The following PHACTR1 variants were observed in gnomAD, a reference collection of about 807,000 sequenced individuals.
PHACTR1 encodes phosphatase and actin regulator 1.
PHACTR1 carries 16 observed loss-of-function variants against 69.2 expected under a neutral mutation model. The observed-to-expected ratio is 0.23, with a 90% CI of 0.16 to 0.35. The LOEUF is 0.35. Among genes scored for constraint, PHACTR1 ranks in the 10% least tolerant of loss-of-function variants. The pLI is 1.00. For missense variants in PHACTR1, 510 were observed against 734.7 expected, an observed-to-expected ratio of 0.69 and a Z score of 3.54; for synonymous variants, 312 against 284.5, an observed-to-expected ratio of 1.10 and a Z score of -0.97.
chr6:12,757,738 G>C (rs1767504281), intron 4 of PHACTR1, among the ~76,000 whole-genome samples: 1 of 152,166 alleles, frequency 6.6e-6, no homozygotes, highest in Non-Finnish European at 1.5e-5. Context: ...TCATTTGGGG[G>C]CACGGAGGAT....
chr6:12,927,150 A>G (rs1053051369), intron 4 of PHACTR1, among the ~76,000 whole-genome samples: 1 of 152,250 alleles, frequency 6.6e-6, no homozygotes, highest in Admixed American at 6.5e-5. Flanking sequence ...AAGGACACCT[A>G]GCCTAGAGGG....
intron 4 of PHACTR1, among the ~76,000 whole-genome samples, chr6:12,758,622 G>A (rs1767654918): frequency 6.6e-6 from 1 of 151,956 alleles, no homozygotes; most frequent in Non-Finnish European, 1.5e-5. Context: ...ACATGACATA[G>A]TGAAGGTACT....
At chr6:13,158,713 G>T (rs1474667062) in intron 5 of PHACTR1, among the ~76,000 whole-genome samples, 1 of 152,208 alleles carries the variant, frequency 6.6e-6, no homozygotes, top group African/African-American at 2.4e-5. Flanking sequence ...TGAGGCATCA[G>T]TGTTTTCCCA....
At chr6:13,006,916 T>G (rs1195745943) in intron 4 of PHACTR1, among the ~76,000 whole-genome samples, 4 of 152,190 alleles carry the variant, frequency 2.6e-5, no homozygotes, top group African/African-American at 9.7e-5. Context: ...TCACAAAGGG[T>G]TCTGGCTGTG....
At chr6:13,121,068 G>A (rs1362240827) in intron 5 of PHACTR1, among the ~76,000 whole-genome samples, 1 of 152,202 alleles carries the variant, frequency 6.6e-6, no homozygotes, top group Non-Finnish European at 1.5e-5. Flanking sequence ...GGAGGCGTGG[G>A]CACCACCATG....
At chr6:12,739,647 T>C (rs556608536) in intron 3 of PHACTR1, among the ~76,000 whole-genome samples, 10 of 152,208 alleles carry the variant, frequency 6.6e-5, no homozygotes, top group African/African-American at 2.4e-4. Context: ...CAAGCGATCC[T>C]CCCGTCTCAG....
intron 7 of PHACTR1, among the ~76,000 whole-genome samples, chr6:13,201,359 A>G (rs1244863861): frequency 6.6e-6 from 1 of 152,224 alleles, no homozygotes; most frequent in African/African-American, 2.4e-5. Context: ...AGGTGAGTAC[A>G]GCAAAGGCCC....
chr6:12,933,854 G>A (rs748698270), intron 4 of PHACTR1: 1 of 1,612,740 alleles, frequency 6.2e-7, no homozygotes. Flanking sequence ...GAGAAGGAGG[G>A]TGGTTTGGCT....
intron 4 of PHACTR1, among the ~76,000 whole-genome samples, chr6:12,790,204 A>G (rs1288658758): frequency 1.3e-5 from 2 of 152,132 alleles, no homozygotes; most frequent in Non-Finnish European, 2.9e-5. Context: ...CTTAGAGTAA[A>G]AGCCAAAATC....
At chr6:13,152,828 G>C (rs112447899) in intron 5 of PHACTR1, among the ~76,000 whole-genome samples, 2 of 152,220 alleles carry the variant, frequency 1.3e-5, no homozygotes, top group Non-Finnish European at 2.9e-5. Flanking sequence ...GGCCACACAG[G>C]GGGAGGTATG....
At chr6:12,718,929 C>G (rs1011713308) in intron 3 of PHACTR1, 82 bp downstream of exon 3, 15 of 754,940 alleles carry the variant, frequency 2.0e-5, no homozygotes, top group East Asian at 5.7e-5. Context: ...GCTGTTAAAG[C>G]CTTGCTCTGA....
intron 3 of PHACTR1, among the ~76,000 whole-genome samples, chr6:12,733,892 TA>T (rs753468450): frequency 1.4e-5 from 2 of 144,270 alleles, no homozygotes; most frequent in Non-Finnish European, 3.1e-5. Context: ...GTCTTAATGT[TA>T]CCTGTACTAT....
intron 4 of PHACTR1, among the ~76,000 whole-genome samples, chr6:12,933,329 C>T (rs1394851361): frequency 2.0e-5 from 3 of 152,040 alleles, no homozygotes; most frequent in African/African-American, 4.8e-5. Flanking sequence ...AAATGTCCTA[C>T]AAATAACTGC....
chr6:13,189,573 A>G (rs1287436431), intron 7 of PHACTR1, among the ~76,000 whole-genome samples: 3 of 151,966 alleles, frequency 2.0e-5, no homozygotes, highest in Non-Finnish European at 2.9e-5. Flanking sequence ...TAACTTTTGT[A>G]TTTTTTTGTA....
chr6:13,262,565 C>T (rs7738295), intron 10 of PHACTR1, among the ~76,000 whole-genome samples: 51 of 152,270 alleles, frequency 3.3e-4, no homozygotes, highest in African/African-American at 1.2e-3. Flanking sequence ...GCTCTCTATG[C>T]TCTCTTAGGA....
At chr6:12,869,772 C>T (rs1402214024) in intron 4 of PHACTR1, among the ~76,000 whole-genome samples, 1 of 152,134 alleles carries the variant, frequency 6.6e-6, no homozygotes, top group Non-Finnish European at 1.5e-5. Flanking sequence ...TCTTTTTAGC[C>T]ACCTCTTTTT....
chr6:12,951,060 A>G (rs933730329), intron 4 of PHACTR1, among the ~76,000 whole-genome samples: 5 of 152,222 alleles, frequency 3.3e-5, no homozygotes, highest in Non-Finnish European at 7.3e-5. Flanking sequence ...TAAAGCTGTC[A>G]TATAGATTTT....
intron 3 of PHACTR1, among the ~76,000 whole-genome samples, chr6:12,726,337 G>A (rs7766084): frequency 0.02 from 3,040 of 152,216 alleles, 105 homozygotes; most frequent in African/African-American, 0.069. Context: ...CTCTTACTAC[G>A]GTGAGCTTAA....
chr6:12,805,251 T>G (rs1186511252), intron 4 of PHACTR1, among the ~76,000 whole-genome samples: 2 of 152,210 alleles, frequency 1.3e-5, no homozygotes, highest in African/African-American at 4.8e-5. Context: ...AACAATACAT[T>G]TTTAGGTGCC....
Sources: gnomAD v4.1 joint callset for allele counts (sites outside exome capture counted in the v4.1 genomes callset) on GRCh38, gnomAD v4.1.1 for gene constraint, MANE v1.5 for transcripts, NCBI Gene and HGNC (gene_info 2026-07-23, HGNC 2026-07-21) for gene names.